The following WWC2 variants were observed in gnomAD, a reference collection of about 807,000 sequenced individuals.
WWC2 encodes the protein protein WWC2.
WWC2 carries 101 observed loss-of-function variants against 138.5 expected under a neutral mutation model. The observed-to-expected ratio is 0.73, with a 90% confidence interval of 0.62 to 0.86. The LOEUF is 0.86. Among genes scored for constraint, WWC2 ranks in the 40% least tolerant of loss-of-function variants. The pLI, the probability that WWC2 is intolerant of heterozygous loss-of-function variation, is 0.00. For synonymous variants in WWC2, 558 were observed against 538.4 expected (o/e 1.04, Z -0.50); for missense variants, 1,420 against 1,419.4 (o/e 1.00, Z -0.01).
chr4:183,125,900 G>T (rs1242212418), intron 1 of WWC2, among the ~76,000 whole-genome samples: 1 of 152,206 alleles, frequency 6.6e-6, no homozygotes, highest in African/African-American at 2.4e-5. Context: ...AAATGAGAAG[G>T]ATTGGCCTTG....
At chr4:183,271,345 T>G in intron 16 of WWC2, 104 bp downstream of exon 16, 1 of 889,284 alleles carries the variant, frequency 1.1e-6, no homozygotes, top group Non-Finnish European at 1.6e-6. Flanking sequence ...ACCAACATGC[T>G]TTTATCACTT....
chr4:183,226,095 CT>C (rs11321151), intron 4 of WWC2, among the ~76,000 whole-genome samples: 2,562 of 113,478 alleles, frequency 0.023, 29 homozygotes, highest in African/African-American at 0.063. Context: ...CTTTTCTTTT[CT>C]TTTTTTTTTT....
chr4:183,232,897 C>T (rs1051154430), intron 4 of WWC2, among the ~76,000 whole-genome samples: 1 of 152,046 alleles, frequency 6.6e-6, no homozygotes, highest in Admixed American at 6.6e-5. Context: ...ATCCATCCAC[C>T]TTGGCCTCTC....
At chr4:183,270,529 C>T (rs1375367532) in intron 15 of WWC2, among the ~76,000 whole-genome samples, 5 of 151,860 alleles carry the variant, frequency 3.3e-5, no homozygotes, top group East Asian at 3.9e-4. Context: ...TTTGGGAGGC[C>T]GAGGCAGGCA....
intron 21 of WWC2, among the ~76,000 whole-genome samples, chr4:183,302,162 A>G (rs1433443702): frequency 6.6e-6 from 1 of 152,238 alleles, no homozygotes; most frequent in Non-Finnish European, 1.5e-5. Context: ...TCACACTAGT[A>G]TTCCTAAAGC....
intron 1 of WWC2, among the ~76,000 whole-genome samples, chr4:183,170,225 G>A (rs1050314905): frequency 6.6e-6 from 1 of 152,188 alleles, no homozygotes; most frequent in South Asian, 2.1e-4. Flanking sequence ...GGTCATGCTT[G>A]ATCCATTATC....
At chr4:183,280,975 C>T (rs1738053610) in intron 17 of WWC2, 78 bp downstream of exon 17, 1 of 1,472,548 alleles carries the variant, frequency 6.8e-7, no homozygotes, top group African/African-American at 1.4e-5. Context: ...CCTTTGTAGG[C>T]TCATGCTTTA....
At chr4:183,153,864 TA>T (rs960582450) in intron 1 of WWC2, among the ~76,000 whole-genome samples, 3 of 151,732 alleles carry the variant, frequency 2.0e-5, no homozygotes, top group Non-Finnish European at 4.4e-5. Context: ...AGGCTTGTCT[TA>T]AACTCCTGAG....
intron 20 of WWC2, among the ~76,000 whole-genome samples, chr4:183,287,643 A>C (rs1385379626): frequency 6.6e-6 from 1 of 152,212 alleles, no homozygotes; most frequent in Non-Finnish European, 1.5e-5. Context: ...CTGCTTTAGG[A>C]ATTACAGCAT....
At chr4:183,156,372 G>C (rs1733805794) in intron 1 of WWC2, among the ~76,000 whole-genome samples, 1 of 131,258 alleles carries the variant, frequency 7.6e-6, no homozygotes, top group African/African-American at 3.0e-5. Flanking sequence ...GTCCCACTCT[G>C]TTGCTCAGGC....
At chr4:183,239,623 A>G (rs1241380750) in intron 4 of WWC2, among the ~76,000 whole-genome samples, 1 of 152,228 alleles carries the variant, frequency 6.6e-6, no homozygotes, top group Non-Finnish European at 1.5e-5. Context: ...GACAGTGTAC[A>G]CGGAGAATTT....
intron 4 of WWC2, among the ~76,000 whole-genome samples, chr4:183,212,034 G>A (rs1172260272): frequency 6.6e-6 from 1 of 152,012 alleles, no homozygotes; most frequent in Admixed American, 6.6e-5. Context: ...TGTTGGCCAG[G>A]CTGGTTTCGA....
chr4:183,241,488 T>C (rs945169023), intron 5 of WWC2, among the ~76,000 whole-genome samples: 1 of 152,190 alleles, frequency 6.6e-6, no homozygotes, highest in African/African-American at 2.4e-5. Flanking sequence ...TCCAGACTCC[T>C]TTTTTCCTGC....
Position 183,274,826 on chromosome 4 carries a change from A to C in WWC2, c.2562+3585A>C, listed in dbSNP as rs535071046. Among the ~76,000 whole-genome samples, 7 of 152,278 alleles carry C rather than the reference A, an allele frequency of 4.6e-5. No individual in the cohort carries two copies. The South Asian group carries it at 1.4e-3, about 32-fold the overall frequency. ...ACAAAGTTTGAGGACCCACTGAAAC[A>C]GTGTGATGTTTCAGTACATGTATTC... On this transcript the variant is annotated intron_variant, in intron 16 of 22. Transcript: ENST00000403733.
chr4:183,282,890 C>A lies in WWC2; in HGVS notation c.2867C>A (p.Thr956Asn). Residue 956 changes from threonine to asparagine, a missense_variant, in exon 18 of 23, where the codon ACT (threonine) becomes AAT (asparagine). By Grantham distance (65) the Thr-to-Asn change is moderately conservative. Transcript: ENST00000403733. ...CAKDLRSQPP[T>N]RIPTLVDKET... The stretch of plus-strand genomic sequence containing the variant: ...AAAGACCTCAGAAGTCAGCCACCTA[C>A]TAGAATACCAACACTGGTGACTATT... 6.3e-7 allele frequency: 1 copy of A among 1,582,530 alleles called. No homozygotes were observed. Among genetic ancestry groups the A allele is most frequent in the South Asian group, 1.2e-5 (1 of 86,076 alleles).
intron 16 of WWC2, among the ~76,000 whole-genome samples, chr4:183,276,972 TTTATTATTATTA>T (rs200128539): frequency 1.3e-5 from 2 of 150,286 alleles, no homozygotes; most frequent in African/African-American, 2.4e-5. Context: ...TCATTTCTTT[TTTATTATTATTA>T]TTATTATTAT....
chr4:183,296,991 C>CT (rs1055475820), intron 21 of WWC2, among the ~76,000 whole-genome samples: 14 of 134,018 alleles, frequency 1.0e-4, no homozygotes, highest in African/African-American at 3.9e-4. Context: ...TAGAGGATTT[C>CT]TTTTTGAGAC....
At chr4:183,151,530 G>A (rs1209591940) in intron 1 of WWC2, among the ~76,000 whole-genome samples, 2 of 152,186 alleles carry the variant, frequency 1.3e-5, no homozygotes, top group African/African-American at 4.8e-5. Context: ...CTGTGCAGAA[G>A]CTCTTTAGTT....
Position 183,256,938 on chromosome 4 carries a change from G to A in WWC2, c.1197-2701G>A, listed in dbSNP as rs767044628. On this transcript the variant is annotated intron_variant, in intron 9 of 22. Coordinates refer to ENST00000403733, the MANE Select transcript of WWC2 (RefSeq NM_024949.6). ...CCTGCCCCCACAGGGCTGCAGTGTC[G>A]CCCACTGGGCCTGATGGCAGCGACT... 3.1e-3 allele frequency among the ~76,000 whole-genome samples: 410 copies of A among 132,120 alleles called. 15 individuals carry two copies. The highest frequency in any genetic ancestry group is 6.9e-4 in the Non-Finnish European group (45 of 64,830). 86.7% of individuals were successfully genotyped at this position (132,120 alleles called of 152,430 possible). A position where few individuals can be genotyped will look rare whatever the true frequency, so the allele number is the denominator to read the frequency against.
Sources: gnomAD v4.1 joint callset for allele counts (sites outside exome capture counted in the v4.1 genomes callset) on GRCh38, gnomAD v4.1.1 for gene constraint, MANE v1.5 for transcripts, NCBI Gene and HGNC (gene_info 2026-07-23, HGNC 2026-07-21) for gene names.